RBMS1: variants seen among roughly 807,000 people sequenced by gnomAD.
RBMS1 encodes RNA-binding motif, single-stranded-interacting protein 1.
A neutral mutation model predicts 62.3 loss-of-function variants in RBMS1; 17 were observed. The ratio of observed to expected loss-of-function variants is 0.27; its 90% confidence interval spans 0.19 to 0.41. The LOEUF (loss-of-function observed/expected upper bound fraction) is 0.41, where lower values mean the gene tolerates loss of function less well. Among genes scored for constraint, RBMS1 ranks in the 10% least tolerant of loss-of-function variants. RBMS1 has a pLI of 1.00. For synonymous variants in RBMS1, 172 were observed against 170.0 expected (o/e 1.01, Z -0.09); for missense variants, 334 against 504.5 (o/e 0.66, Z 3.24).
chr2:160,284,959 C>T, intron 8 of RBMS1, 36 bp downstream of exon 8: 1 of 1,596,536 alleles, frequency 6.3e-7, no homozygotes, highest in South Asian at 1.1e-5. Context: ...TTCACATTTT[C>T]CCTCAAGCCA....
At chr2:160,354,550 A>G (rs967702191) in intron 2 of RBMS1, among the ~76,000 whole-genome samples, 7 of 152,168 alleles carry the variant, frequency 4.6e-5, no homozygotes, top group African/African-American at 1.7e-4. Flanking sequence ...CAAATGGGCT[A>G]GCAGGCCCAA....
In RBMS1 at chr2:160,407,296, A is replaced by C. The variant is rs903724732; in HGVS notation, c.76-39905T>G. Among the ~76,000 whole-genome samples, 62 of 150,918 alleles carry C rather than the reference A, an allele frequency of 4.1e-4. 1 individual carries two copies. Among genetic ancestry groups the C allele is most frequent in the Non-Finnish European group, 3.0e-5 (2 of 67,696 alleles). ...CGGCCCGGGCGGCGGCGGCGAGGGC[A>C]TCTCCCCTGCTCAGGTCGCCGGCCG... is the stretch of plus-strand genomic sequence containing the variant. On this transcript the variant is annotated intron_variant, in intron 1 of 13. Transcript: ENST00000348849.
intron 1 of RBMS1, among the ~76,000 whole-genome samples, chr2:160,452,189 C>T (rs1336329862): frequency 6.6e-6 from 1 of 151,834 alleles, no homozygotes; most frequent in Non-Finnish European, 1.5e-5. Context: ...ATTACTGGAA[C>T]TTAGAGGAGA....
intron 2 of RBMS1, among the ~76,000 whole-genome samples, chr2:160,324,441 C>A (rs1690772879): frequency 6.6e-6 from 1 of 152,072 alleles, no homozygotes; most frequent in Non-Finnish European, 1.5e-5. Context: ...ATTTAAGGCA[C>A]ATGGGGTCAT....
chr2:160,488,017 T>C (rs1227515357), intron 1 of RBMS1, among the ~76,000 whole-genome samples: 1 of 152,218 alleles, frequency 6.6e-6, no homozygotes, highest in Non-Finnish European at 1.5e-5. Context: ...GTTCAGTTTG[T>C]GGTTGGCTTA....
At chr2:160,372,342 C>CCCACCA (rs1333309809) in intron 1 of RBMS1, among the ~76,000 whole-genome samples, 1 of 152,012 alleles carries the variant, frequency 6.6e-6, no homozygotes, top group South Asian at 2.1e-4. Flanking sequence ...TGCCCCTACA[C>CCCACCA]CCACCACCAC....
chr2:160,312,821 TAA>T (rs201315509), intron 4 of RBMS1, among the ~76,000 whole-genome samples: 12 of 143,370 alleles, frequency 8.4e-5, no homozygotes, highest in Admixed American at 7.6e-4. Context: ...CATTTAAATT[TAA>T]AAAAAAAAAA....
At chr2:160,338,447 A>G (rs1258464588) in intron 2 of RBMS1, among the ~76,000 whole-genome samples, 1 of 152,146 alleles carries the variant, frequency 6.6e-6, no homozygotes, top group East Asian at 1.9e-4. Context: ...AATTTTATGT[A>G]TACTAGAAAA....
intron 6 of RBMS1, among the ~76,000 whole-genome samples, chr2:160,292,483 C>A (rs1026060092): frequency 6.6e-6 from 1 of 152,124 alleles, no homozygotes; most frequent in Non-Finnish European, 1.5e-5. Context: ...TGGGGACTGG[C>A]CTGTTATCCA....
intron 1 of RBMS1, among the ~76,000 whole-genome samples, chr2:160,412,586 A>G (rs1373428577): frequency 6.6e-6 from 1 of 152,256 alleles, no homozygotes; most frequent in Admixed American, 6.5e-5. Flanking sequence ...CTTGTAAACC[A>G]TAGAGCGCCC....
chr2:160,355,367 G>C (rs1692741564), intron 2 of RBMS1, among the ~76,000 whole-genome samples: 1 of 152,034 alleles, frequency 6.6e-6, no homozygotes, highest in Non-Finnish European at 1.5e-5. Context: ...AACTCATAAA[G>C]CAAACAGGCA....
intron 9 of RBMS1, chr2:160,284,359 T>C (rs3772073): frequency 0.37 from 66,827 of 181,234 alleles, 12,732 homozygotes; most frequent in East Asian, 0.54. Context: ...CATCTTTATG[T>C]ATTACCATGT....
At chr2:160,312,864 C>A (rs987333544) in intron 4 of RBMS1, among the ~76,000 whole-genome samples, 1 of 150,858 alleles carries the variant, frequency 6.6e-6, no homozygotes, top group Non-Finnish European at 1.5e-5. Context: ...CTCACAAATA[C>A]CTGATTACCT....
chr2:160,493,258 C>T (rs373483419), intron 1 of RBMS1, 31 bp downstream of exon 1: 14 of 1,604,620 alleles, frequency 8.7e-6, no homozygotes, highest in Middle Eastern at 3.3e-4. Flanking sequence ...CCCCCTCCTC[C>T]GGCCGTCACC....
chr2:160,296,259 A>G (rs1015460237), intron 6 of RBMS1, among the ~76,000 whole-genome samples: 2 of 152,240 alleles, frequency 1.3e-5, no homozygotes, highest in Non-Finnish European at 2.9e-5. Flanking sequence ...AATCTCTTCC[A>G]CTAGATTGAG....
chr2:160,390,283 G>T (rs1326260634), intron 1 of RBMS1, among the ~76,000 whole-genome samples: 3 of 152,200 alleles, frequency 2.0e-5, no homozygotes, highest in Non-Finnish European at 2.9e-5. Flanking sequence ...GGTAGACCTT[G>T]AATTTCAACT....
chr2:160,417,304 A>G lies in RBMS1; in HGVS notation c.76-49913T>C, dbSNP rs186486849. Among the ~76,000 whole-genome samples, 10 of 152,364 alleles carry G rather than the reference A, an allele frequency of 6.6e-5. No homozygotes were observed. The East Asian group carries it at 1.9e-3, about 29-fold the overall frequency. On this transcript the variant is annotated intron_variant, in intron 1 of 13. Coordinates refer to ENST00000348849, the MANE Select transcript of RBMS1 (RefSeq NM_016836.4). Reference sequence around the variant, plus strand: ...ACATGCTTTATAAACTACATAGTGAATTTGCATCCTAATCTTTAGATTACT... The same window carrying G: ...ACATGCTTTATAAACTACATAGTGAGTTTGCATCCTAATCTTTAGATTACT...
chr2:160,407,883 C>A (rs1348403569), intron 1 of RBMS1: 2 of 981,140 alleles, frequency 2.0e-6, no homozygotes, highest in Non-Finnish European at 1.2e-6. Flanking sequence ...CCCCACCTAC[C>A]GCGGCCTCAA....
At chr2:160,330,618 G>GTTT (rs71003488) in intron 2 of RBMS1, among the ~76,000 whole-genome samples, 1 of 141,498 alleles carries the variant, frequency 7.1e-6, no homozygotes. Flanking sequence ...ATGAAAATAT[G>GTTT]TTTTTTTTTT....
Sources: allele counts gnomAD v4.1 joint callset (sites outside exome capture counted in the v4.1 genomes callset), GRCh38; gene constraint gnomAD v4.1.1; transcripts MANE v1.5; gene names NCBI Gene and HGNC (gene_info 2026-07-23, HGNC 2026-07-21).